Variants in CTNND2 observed in about 807,000 individuals in gnomAD.
The protein encoded by CTNND2 is catenin delta 2, also known as catenin delta-2.
Under a neutral mutation model 144.4 loss-of-function variants are expected in CTNND2, and 22 were observed. That is an observed-to-expected ratio of 0.15 (90% CI 0.11 to 0.22). CTNND2 has a LOEUF of 0.22. Ranked by LOEUF, CTNND2 falls within the 10% of genes least tolerant of loss-of-function variation. The pLI is 1.00. For synonymous variants in CTNND2, 751 were observed against 695.6 expected (o/e 1.08, Z -1.25); for missense variants, 1,353 against 1,618.8 (o/e 0.84, Z 2.82).
chr5:11,264,413 C>G (rs1745234653), intron 9 of CTNND2, among the ~76,000 whole-genome samples: 1 of 152,146 alleles, frequency 6.6e-6, no homozygotes. Flanking sequence ...CCATGGGATA[C>G]AGTTTGCTGA....
chr5:11,024,964 T>A (rs1197964252), intron 16 of CTNND2, among the ~76,000 whole-genome samples: 1 of 152,240 alleles, frequency 6.6e-6, no homozygotes. Context: ...ACTATCATTT[T>A]CCATGTGCCC....
At chr5:11,141,066 G>A (rs1756678240) in intron 12 of CTNND2, among the ~76,000 whole-genome samples, 2 of 152,000 alleles carry the variant, frequency 1.3e-5, no homozygotes, top group Admixed American at 6.6e-5. Context: ...GCGATCCTCT[G>A]ACCTCAGACT....
At chr5:11,449,838 C>T (rs928277138) in intron 3 of CTNND2, among the ~76,000 whole-genome samples, 24 of 152,170 alleles carry the variant, frequency 1.6e-4, no homozygotes, top group Admixed American at 1.6e-3. Flanking sequence ...ACAGTATCTA[C>T]TGCCGTGGCT....
intron 3 of CTNND2, among the ~76,000 whole-genome samples, chr5:11,561,684 C>T (rs999231576): frequency 2.0e-5 from 3 of 152,122 alleles, no homozygotes; most frequent in Non-Finnish European, 4.4e-5. Context: ...AGGAAGTTGA[C>T]TTGTATTACA....
intron 6 of CTNND2, among the ~76,000 whole-genome samples, chr5:11,393,934 T>C (rs947018898): frequency 3.9e-5 from 6 of 152,044 alleles, no homozygotes; most frequent in African/African-American, 1.4e-4. Context: ...TGGTTTCCCA[T>C]CACCTCACAA....
At chr5:11,379,564 T>TA (rs139533514) in intron 7 of CTNND2, among the ~76,000 whole-genome samples, 50 of 151,438 alleles carry the variant, frequency 3.3e-4, no homozygotes, top group Non-Finnish European at 5.3e-4. Flanking sequence ...CTTAATTTAT[T>TA]AAAAAAAAAC....
chr5:11,682,291 GA>G (rs1784451172), intron 2 of CTNND2, among the ~76,000 whole-genome samples: 1 of 152,180 alleles, frequency 6.6e-6, no homozygotes, highest in South Asian at 2.1e-4. Context: ...ATATTTTTTA[GA>G]AACCAACAGA....
intron 1 of CTNND2, among the ~76,000 whole-genome samples, chr5:11,778,483 T>C (rs1790373389): frequency 6.6e-6 from 1 of 152,174 alleles, no homozygotes; most frequent in African/African-American, 2.4e-5. Flanking sequence ...GAGCCCATAA[T>C]ATAAGAATGG....
intron 18 of CTNND2, among the ~76,000 whole-genome samples, chr5:11,011,245 A>G (rs560142344): frequency 6.6e-6 from 1 of 152,120 alleles, no homozygotes; most frequent in East Asian, 1.9e-4. Context: ...ACAGGGCCTC[A>G]CTCTGTCACC....
intron 3 of CTNND2, among the ~76,000 whole-genome samples, chr5:11,440,752 T>C (rs1334558686): frequency 1.3e-5 from 2 of 152,206 alleles, no homozygotes; most frequent in South Asian, 2.1e-4. Context: ...GGTAGTTTTA[T>C]GTTGGAAAAA....
chr5:11,677,805 G>A (rs1220111716), intron 2 of CTNND2, among the ~76,000 whole-genome samples: 1 of 152,152 alleles, frequency 6.6e-6, no homozygotes, highest in Non-Finnish European at 1.5e-5. Flanking sequence ...TTTCATCAGT[G>A]CTTGTCCAAT....
intron 2 of CTNND2, among the ~76,000 whole-genome samples, chr5:11,595,020 G>C (rs1297579942): frequency 6.6e-6 from 1 of 152,056 alleles, no homozygotes; most frequent in Non-Finnish European, 1.5e-5. Flanking sequence ...ACACACAATT[G>C]ACAGCCAAAT....
At chr5:11,584,120 T>C (rs369367877) in intron 2 of CTNND2, among the ~76,000 whole-genome samples, 2 of 152,218 alleles carry the variant, frequency 1.3e-5, no homozygotes, top group East Asian at 1.9e-4. Flanking sequence ...TTAATGCTGA[T>C]GAAAATTACC....
At chr5:11,209,397 T>G (rs942723245) in intron 10 of CTNND2, among the ~76,000 whole-genome samples, 3 of 152,192 alleles carry the variant, frequency 2.0e-5, no homozygotes, top group Non-Finnish European at 4.4e-5. Context: ...TAGAGCCCAG[T>G]GTACTTAGGA....
intron 10 of CTNND2, among the ~76,000 whole-genome samples, chr5:11,212,162 T>C (rs1292845280): frequency 1.3e-5 from 2 of 152,202 alleles, no homozygotes; most frequent in African/African-American, 4.8e-5. Flanking sequence ...TAAACTGTGG[T>C]TGAGAAAATA....
chr5:11,737,061 T>A (rs1787722451), intron 1 of CTNND2, among the ~76,000 whole-genome samples: 2 of 152,182 alleles, frequency 1.3e-5, no homozygotes, highest in Admixed American at 1.3e-4. Flanking sequence ...CATTTTTACA[T>A]CTATGACATA....
At position 11,411,639 on chromosome 5, in the gene CTNND2, A is replaced by T. The variant is rs754559600; in HGVS notation, c.336T>A (p.Asp112Glu). 2 of 1,603,616 alleles carry T rather than the reference A, an allele frequency of 1.2e-6. No individual in the cohort carries two copies. Among genetic ancestry groups the T allele is most frequent in the South Asian group, 1.1e-5 (1 of 90,492 alleles). Residue 112 changes from aspartate to glutamate, a missense_variant, in exon 5 of 22, where the codon GAT (aspartate) becomes GAA (glutamate). Coordinates refer to ENST00000304623, the MANE Select transcript of CTNND2 (RefSeq NM_001332.4). ...GACCTGTTGTAAGCTCATCTTCGAT[A>T]TCTTTTTGACCATCTGAAATGAAAT... ...FQWQSQDGQK[D>E]IEDELTTGLE...
intron 11 of CTNND2, among the ~76,000 whole-genome samples, chr5:11,162,035 A>G (rs2149771779): frequency 6.6e-6 from 1 of 151,854 alleles, no homozygotes; most frequent in East Asian, 2.0e-4. Context: ...TTATAATCCC[A>G]GCTACTTGGG....
intron 5 of CTNND2, among the ~76,000 whole-genome samples, chr5:11,406,153 TAAGTA>T (rs1761090186): frequency 1.3e-5 from 2 of 152,000 alleles, no homozygotes; most frequent in African/African-American, 4.8e-5. Flanking sequence ...ATCTCATAAG[TAAGTA>T]AATAAACAAA....
Sources: gnomAD v4.1 joint callset for allele counts (sites outside exome capture counted in the v4.1 genomes callset) on GRCh38, gnomAD v4.1.1 for gene constraint, MANE v1.5 for transcripts, NCBI Gene and HGNC (gene_info 2026-07-23, HGNC 2026-07-21) for gene names.